Variants in COPA observed in about 807,000 individuals in gnomAD.
COPA encodes the protein coatomer subunit alpha.
In COPA, 10 loss-of-function variants were observed where a neutral mutation model predicts 158.7. The ratio of observed to expected loss-of-function variants is 0.06; its 90% CI spans 0.04 to 0.11. The LOEUF is 0.11. Among genes scored for constraint, COPA ranks in the 10% least tolerant of loss-of-function variants. COPA has a pLI of 1.00. For synonymous variants in COPA, 462 were observed against 542.8 expected (o/e 0.85, Z 2.07); for missense variants, 1,065 against 1,536.7 (o/e 0.69, Z 5.13).
chr1:160,324,688 G>C (rs1659437195), intron 7 of COPA, among the ~76,000 whole-genome samples: 1 of 152,060 alleles, frequency 6.6e-6, no homozygotes, highest in African/African-American at 2.4e-5. Context: ...ACAGCTAATA[G>C]AATGTGTGCT....
chr1:160,296,036 G>A (rs1473633963), intron 22 of COPA, 25 bp downstream of exon 22: 13 of 1,605,308 alleles, frequency 8.1e-6, no homozygotes, highest in Non-Finnish European at 1.1e-5. Flanking sequence ...TGTAATAAGA[G>A]ACAATTATGT....
At chr1:160,328,293 CAACA>C (rs1647350357) in intron 6 of COPA, among the ~76,000 whole-genome samples, 2 of 152,102 alleles carry the variant, frequency 1.3e-5, no homozygotes, top group Non-Finnish European at 2.9e-5. Flanking sequence ...CAATAAGCTT[CAACA>C]AACACATTAA....
intron 6 of COPA, among the ~76,000 whole-genome samples, chr1:160,330,591 A>G (rs551104619): frequency 8.5e-5 from 13 of 152,296 alleles, no homozygotes; most frequent in Admixed American, 7.2e-4. Flanking sequence ...CTAAACTGCT[A>G]TTGCAGTATT....
intron 11 of COPA, 80 bp downstream of exon 11, chr1:160,311,788 A>G (rs1658975832): frequency 2.4e-6 from 3 of 1,265,542 alleles, no homozygotes; most frequent in Admixed American, 2.8e-5. Context: ...TGAAAGAAAG[A>G]AAAGAAGAGT....
At chr1:160,297,491 T>A in intron 20 of COPA, 53 bp from the exon 21 acceptor site, 1 of 1,612,956 alleles carries the variant, frequency 6.2e-7, no homozygotes, top group Non-Finnish European at 8.5e-7. Flanking sequence ...GTTCTCTTTC[T>A]CCTTAATTCA....
chr1:160,309,138 G>A lies in COPA; in HGVS notation c.1182C>T (p.Tyr394=). The change falls in exon 13 of 33, where the codon TAC becomes TAT. Residue 394 remains tyrosine (Y), a synonymous_variant. Transcript: ENST00000241704. ...GGGAGTCAGCATCTTTAGGGATGGT[G>A]TACAGGTCATAGGTACTATTCTCTA... ...SNLENSTYDL[Y]TIPKDADSQN... The A allele has an allele frequency of 2.5e-6, 4 of 1,613,804 alleles. No homozygotes were observed. Among genetic ancestry groups the A allele is most frequent in the South Asian group, 1.1e-5 (1 of 91,074 alleles).
At position 160,323,420 on chromosome 1, in the gene COPA, G is replaced by A. The variant is rs769782129; in HGVS notation, c.706+11C>T. 1.0e-5 allele frequency: 16 copies of A among 1,592,852 alleles called. No homozygotes were observed. The African/African-American group carries it at 1.8e-4, about 17-fold the overall frequency. On this transcript the variant is annotated intron_variant, in intron 8 of 32. Coordinates refer to ENST00000241704, the MANE Select transcript of COPA (RefSeq NM_004371.4). Reference sequence around the variant, plus strand: ...TCTTAGATATGGCGATAATGTAACCGGTTCACTCACCATTCATGCGCCAGA... The same window carrying A: ...TCTTAGATATGGCGATAATGTAACCAGTTCACTCACCATTCATGCGCCAGA...
Position 160,296,088 on chromosome 1 carries a change from C to A in COPA, c.2325G>T (p.Lys775Asn). 1 of 1,614,168 alleles carries A rather than the reference C, an allele frequency of 6.2e-7. No individual in the cohort carries two copies. The highest frequency in any genetic ancestry group is 1.1e-5 in the South Asian group (1 of 91,088). Residue 775 changes from lysine (K) to asparagine (N), a missense_variant, in exon 22 of 33, where the codon AAG becomes AAT. Lys to Asn is a moderately conservative substitution (Grantham distance 94, BLOSUM62 0). Coordinates refer to ENST00000241704, the MANE Select transcript of COPA (RefSeq NM_004371.4). ...HGLDEEAESL[K>N]ETFDPEKETI... is the part of the protein sequence containing the mutation. ...TCTCCTTCTCTGGGTCAAATGTCTC[C>A]TTTAGGCTCTCAGCTTCTTCATCTA...
rs760365945 is a variant in COPA, at chr1:160,325,621, C to T, written c.528G>A (p.Ala176=). The change falls in exon 7 of 33, where the codon GCG becomes GCA. Residue 176 remains alanine (A), a synonymous_variant. Transcript: ENST00000241704. Reference sequence around the variant, plus strand: ...TTATTCCTCTCACATCCGATTCCACCGCACCAGGGGACAGGTTTTTTTTCC... The same window carrying T: ...TTATTCCTCTCACATCCGATTCCACTGCACCAGGGGACAGGTTTTTTTTCC... ...GLRKKNLSPG[A]VESDVRGITG... is the part of the protein sequence containing the mutation. The T allele has an allele frequency of 1.4e-5, 23 of 1,614,040 alleles. No homozygotes were observed. Among genetic ancestry groups the T allele is most frequent in the Middle Eastern group, 1.6e-4 (1 of 6,084 alleles).
At chr1:160,325,937 C>A (rs1161654696) in intron 6 of COPA, among the ~76,000 whole-genome samples, 1 of 152,250 alleles carries the variant, frequency 6.6e-6, no homozygotes, top group African/African-American at 2.4e-5. Flanking sequence ...ACCTCTTCTT[C>A]CACAAATCTT....
Position 160,290,073 on chromosome 1 carries a change from G to T in COPA, c.*84C>A. On this transcript the variant is annotated 3_prime_UTR_variant, in exon 33 of 33. Transcript: ENST00000241704. The stretch of plus-strand genomic sequence containing the variant: ...AGCCAGATCTGAAGAGTAGCTGCAG[G>T]GGGAAGGTGCTGTTAGAAGGAGGAT... 1 of 1,214,346 alleles carries T rather than the reference G, an allele frequency of 8.2e-7. No individual in the cohort carries two copies. Among genetic ancestry groups the T allele is most frequent in the Non-Finnish European group, 1.2e-6 (1 of 825,732 alleles). 75.2% of individuals were successfully genotyped at this position (1,214,346 alleles called of 1,614,324 possible). A position where few individuals can be genotyped will look rare whatever the true frequency, so the allele number is the denominator to read the frequency against.
rs182600242 is a variant in COPA at position 160,321,194 on chromosome 1, C to G, written c.706+2237G>C. On this transcript the variant is annotated intron_variant, in intron 8 of 32. Coordinates refer to ENST00000241704, the MANE Select transcript of COPA (RefSeq NM_004371.4). ...CAACATGGGTAGAGAAAGAGCATAC[C>G]TCAAAACAATAAAGGCCATATATGA... Among the ~76,000 whole-genome samples, 206 of 151,990 alleles carry G rather than the reference C, an allele frequency of 1.4e-3. 1 individual carries two copies. Among genetic ancestry groups the G allele is most frequent in the Admixed American group, 2.4e-3 (37 of 15,264 alleles).
intron 9 of COPA, 129 bp downstream of exon 9, chr1:160,313,861 C>T (rs2101847112): frequency 2.2e-6 from 2 of 893,636 alleles, no homozygotes; most frequent in Non-Finnish European, 3.1e-6. Context: ...TAGGTCTCTT[C>T]AAATTTTCAT....
intron 28 of COPA, 85 bp from the exon 29 acceptor site, chr1:160,292,283 C>A: frequency 6.4e-7 from 1 of 1,562,428 alleles, no homozygotes; most frequent in Non-Finnish European, 8.7e-7. Flanking sequence ...ATCCTCATAG[C>A]TACCCTCCTG....
chr1:160,332,788 G>A (rs570748766), intron 5 of COPA, among the ~76,000 whole-genome samples: 12 of 152,180 alleles, frequency 7.9e-5, no homozygotes, highest in African/African-American at 2.6e-4. Flanking sequence ...CTAATTTCAG[G>A]AGGACTAAGA....
At chr1:160,339,052 T>TAGTTAATGACACCCCCTTTACC (rs1384735915) in intron 3 of COPA, among the ~76,000 whole-genome samples, 4 of 146,052 alleles carry the variant, frequency 2.7e-5, no homozygotes, top group Non-Finnish European at 4.5e-5. Context: ...TTTCCTTTCC[T>TAGTTAATGACACCCCCTTTACC]AGTTAATGAC....
chr1:160,296,005 C>A, intron 22 of COPA, 56 bp downstream of exon 22: 1 of 1,593,670 alleles, frequency 6.3e-7, no homozygotes, highest in South Asian at 1.1e-5. Flanking sequence ...TTAAATTGTT[C>A]TAAGATCCTA....
At chr1:160,331,922 T>C (rs1647542551) in intron 6 of COPA, among the ~76,000 whole-genome samples, 1 of 150,992 alleles carries the variant, frequency 6.6e-6, no homozygotes, top group South Asian at 2.1e-4. Flanking sequence ...CGCTCCAGCC[T>C]GGGCAACAAA....
chr1:160,304,734 TG>T (rs1658725613), intron 17 of COPA, among the ~76,000 whole-genome samples: 1 of 152,174 alleles, frequency 6.6e-6, no homozygotes, highest in South Asian at 2.1e-4. Context: ...AATTCTATTC[TG>T]GGGATACACT....
Sources: gnomAD v4.1 joint callset for allele counts (sites outside exome capture counted in the v4.1 genomes callset) on GRCh38, gnomAD v4.1.1 for gene constraint, MANE v1.5 for transcripts, NCBI Gene and HGNC (gene_info 2026-07-23, HGNC 2026-07-21) for gene names.